ARHGAP31: variants seen among roughly 807,000 people sequenced by gnomAD.
ARHGAP31 encodes the protein rho GTPase-activating protein 31.
In ARHGAP31, 34 loss-of-function variants were observed where a neutral mutation model predicts 113.9. The ratio of observed to expected loss-of-function variants is 0.30; its 90% CI spans 0.23 to 0.40. The LOEUF (loss-of-function observed/expected upper bound fraction) is 0.40. Among genes scored for constraint, ARHGAP31 ranks in the 10% least tolerant of loss-of-function variants. ARHGAP31 has a pLI of 1.00. For missense variants in ARHGAP31, 1,548 were observed against 1,767.1 expected (o/e 0.88, Z 2.22); for synonymous variants, 650 against 684.8 (o/e 0.95, Z 0.79).
chr3:119,402,842 A>G (rs1220723294), intron 10 of ARHGAP31, among the ~76,000 whole-genome samples: 2 of 152,138 alleles, frequency 1.3e-5, no homozygotes, highest in Non-Finnish European at 2.9e-5. Flanking sequence ...TTCTCTTTCC[A>G]TCCACCCATC....
intron 1 of ARHGAP31, among the ~76,000 whole-genome samples, chr3:119,337,170 T>C (rs543016410): frequency 3.3e-5 from 5 of 152,202 alleles, no homozygotes; most frequent in Non-Finnish European, 2.9e-5. Context: ...ACCCTGGCAG[T>C]GAGTGTTACA....
chr3:119,369,522 T>C (rs190801575), intron 3 of ARHGAP31, among the ~76,000 whole-genome samples: 169 of 152,348 alleles, frequency 1.1e-3, no homozygotes, highest in African/African-American at 3.9e-3. Flanking sequence ...GGAGGGAACC[T>C]TTCTCATGGC....
chr3:119,305,883 G>A (rs58090245), intron 1 of ARHGAP31, among the ~76,000 whole-genome samples: 1 of 152,310 alleles, frequency 6.6e-6, no homozygotes, highest in East Asian at 1.9e-4. Flanking sequence ...CTAAAGGCCA[G>A]GAGAATATCC....
At chr3:119,400,676 G>A (rs716649) in intron 9 of ARHGAP31, among the ~76,000 whole-genome samples, 17,227 of 152,094 alleles carry the variant, frequency 0.11, 2,384 homozygotes, top group African/African-American at 0.33. Context: ...GCTGAGTCTC[G>A]ATGTCCTCAT....
chr3:119,337,325 T>C lies in ARHGAP31; in HGVS notation c.101-27991T>C, dbSNP rs138288714. 2.2e-4 allele frequency among the ~76,000 whole-genome samples: 34 copies of C among 152,222 alleles called. No individual in the cohort carries two copies. The East Asian group carries it at 6.6e-3, about 29-fold the overall frequency. On this transcript the variant is annotated intron_variant, in intron 1 of 11. Coordinates refer to ENST00000264245, the MANE Select transcript of ARHGAP31 (RefSeq NM_020754.4). ...CGTTGAGTGTTACAGTTCATAAAGTTGGCGCGTCCAGAGTTGTTCTTTCCT... is the reference window on the plus strand; with the variant it reads ...CGTTGAGTGTTACAGTTCATAAAGTCGGCGCGTCCAGAGTTGTTCTTTCCT...
At chr3:119,382,149 A>T (rs985558427) in intron 4 of ARHGAP31, 143 bp from the exon 5 acceptor site, 1 of 905,782 alleles carries the variant, frequency 1.1e-6, no homozygotes, top group Non-Finnish European at 1.8e-6. Flanking sequence ...TACTTCTGTC[A>T]ATCTTGACAT....
chr3:119,412,512 T>C (rs949918536), intron 11 of ARHGAP31, among the ~76,000 whole-genome samples: 1 of 151,994 alleles, frequency 6.6e-6, no homozygotes, highest in Admixed American at 6.6e-5. Flanking sequence ...GGGAGGAGTC[T>C]AGAAGGACAA....
At position 119,294,458 on chromosome 3, in the gene ARHGAP31, G is replaced by A. The variant is rs988533168; in HGVS notation, c.-447G>A. On this transcript the variant is annotated 5_prime_UTR_variant, in exon 1 of 12. Transcript: ENST00000264245. ...CAAAGTCGTCTGAAGGCGAGACAGC[G>A]GGCCCAGGGCGCAGGACCCACCGCA... The A allele has an allele frequency of 9.9e-6, 4 of 405,634 alleles. No individual in the cohort carries two copies. The South Asian group carries it at 4.8e-4, about 48-fold the overall frequency. 25.1% of individuals were successfully genotyped at this position (405,634 alleles called of 1,614,324 possible). A position where few individuals can be genotyped will look rare whatever the true frequency, so the allele number is the denominator to read the frequency against.
chr3:119,337,748 A>G (rs2079970779), intron 1 of ARHGAP31, among the ~76,000 whole-genome samples: 1 of 152,312 alleles, frequency 6.6e-6, no homozygotes, highest in South Asian at 2.1e-4. Context: ...CTTTAGCTAG[A>G]CAGAAAATTT....
chr3:119,307,939 G>GAAAAAAAAAA (rs1559961514), intron 1 of ARHGAP31, among the ~76,000 whole-genome samples: 5 of 1,638 alleles, frequency 3.1e-3, no homozygotes, highest in African/African-American at 5.3e-3. Context: ...TGAATTAACA[G>GAAAAAAAAAA]CAAAAAAAAA....
At chr3:119,413,742 T>C in intron 11 of ARHGAP31, 114 bp from the exon 12 acceptor site, 4 of 1,442,202 alleles carry the variant, frequency 2.8e-6, no homozygotes, top group Non-Finnish European at 3.9e-6. Flanking sequence ...GCATCCTGTA[T>C]TTGCTGAACT....
At chr3:119,324,313 T>A (rs1576994207) in intron 1 of ARHGAP31, among the ~76,000 whole-genome samples, 1 of 152,234 alleles carries the variant, frequency 6.6e-6, no homozygotes, top group East Asian at 1.9e-4. Flanking sequence ...GTAATAAATT[T>A]ATCCGGATGT....
chr3:119,353,725 T>C (rs7614197), intron 1 of ARHGAP31, among the ~76,000 whole-genome samples: 26,901 of 147,252 alleles, frequency 0.18, 3,416 homozygotes, highest in African/African-American at 0.37. Context: ...AGGACGGAGG[T>C]TGCAGTGAGC....
intron 6 of ARHGAP31, among the ~76,000 whole-genome samples, chr3:119,387,811 G>A (rs1291910571): frequency 6.6e-6 from 1 of 152,130 alleles, no homozygotes; most frequent in Admixed American, 6.5e-5. Flanking sequence ...GGGAAGACAA[G>A]GATATATAAG....
intron 6 of ARHGAP31, among the ~76,000 whole-genome samples, chr3:119,388,513 G>A (rs1209701967): frequency 1.3e-5 from 2 of 151,960 alleles, no homozygotes; most frequent in African/African-American, 4.8e-5. Flanking sequence ...GCTCCTGTGT[G>A]GAGGAGAGGC....
chr3:119,324,079 C>G (rs188613158), intron 1 of ARHGAP31, among the ~76,000 whole-genome samples: 1 of 151,830 alleles, frequency 6.6e-6, no homozygotes, highest in East Asian at 1.9e-4. Flanking sequence ...GCCATCCCTG[C>G]TCTACACCGA....
chr3:119,400,453 CA>C (rs199549303), intron 9 of ARHGAP31, among the ~76,000 whole-genome samples: 18 of 147,558 alleles, frequency 1.2e-4, no homozygotes, highest in African/African-American at 1.5e-4. Flanking sequence ...CAGCCTGTCT[CA>C]AAAAAAAAAT....
chr3:119,393,726 C>CT, intron 8 of ARHGAP31, 135 bp downstream of exon 8: 1 of 1,268,504 alleles, frequency 7.9e-7, no homozygotes, highest in Non-Finnish European at 1.1e-6. Flanking sequence ...GAAGAGGAGT[C>CT]TTTTTTCAAA....
intron 4 of ARHGAP31, 119 bp downstream of exon 4, chr3:119,381,105 A>G (rs2080393320): frequency 9.8e-7 from 1 of 1,016,738 alleles, no homozygotes; most frequent in Admixed American, 2.0e-5. Flanking sequence ...GGCTTTCCCA[A>G]GGGCATTTTG....
Sources: gnomAD v4.1 joint callset for allele counts (sites outside exome capture counted in the v4.1 genomes callset) on GRCh38, gnomAD v4.1.1 for gene constraint, MANE v1.5 for transcripts, NCBI Gene and HGNC (gene_info 2026-07-23, HGNC 2026-07-21) for gene names.